GANC: variants seen among roughly 807,000 people sequenced by gnomAD.
GANC encodes neutral alpha-glucosidase C.
In GANC, 117 loss-of-function variants were observed where a neutral mutation model predicts 124.2. The ratio of observed to expected loss-of-function variants is 0.94; its 90% CI spans 0.81 to 1.10. GANC has a LOEUF of 1.10. Among genes scored for constraint, GANC ranks in the 50% least tolerant of loss-of-function variants. GANC has a pLI of 0.00. For synonymous variants in GANC, 377 were observed against 376.8 expected, an observed-to-expected ratio of 1.00 and a Z score of -0.01; for missense variants, 1,140 against 1,095.0, an observed-to-expected ratio of 1.04 and a Z score of -0.58.
chr15:42,283,571 A>G, intron 3 of GANC: 1 of 691,432 alleles, frequency 1.4e-6, no homozygotes, highest in South Asian at 1.5e-5. Flanking sequence ...TTCTCATGAT[A>G]TAGGTGACCA....
chr15:42,330,653 T>A lies in GANC; in HGVS notation c.1722T>A (p.Phe574Leu), dbSNP rs188405050. ...ERPFVLTRSF[F>L]AGSQKYGAVW... ...CCTTTGTTCTTACACGTTCTTTCTT[T>A]GCTGGATCACAAAAGTATGGTAAGG... The change falls in exon 15 of 24, where the codon TTT becomes TTA. Residue 574 changes from phenylalanine (F) to leucine (L), a missense_variant. By Grantham distance (22) the Phe-to-Leu change is conservative. Transcript: ENST00000318010. The A allele has an allele frequency of 1.2e-6, 2 of 1,607,726 alleles. No homozygotes were observed. The highest frequency in any genetic ancestry group is 8.5e-7 in the Non-Finnish European group (1 of 1,178,254).
At chr15:42,276,670 A>C (rs2051674567) in intron 2 of GANC, among the ~76,000 whole-genome samples, 1 of 152,182 alleles carries the variant, frequency 6.6e-6, no homozygotes, top group Non-Finnish European at 1.5e-5. Flanking sequence ...TGAATAGATA[A>C]CACTTTTACA....
chr15:42,275,139 CTA>C (rs2051651668), intron 1 of GANC, among the ~76,000 whole-genome samples: 1 of 152,064 alleles, frequency 6.6e-6, no homozygotes, highest in Non-Finnish European at 1.5e-5. Context: ...TTTGGGAGGC[CTA>C]TAGGTGGGCA....
chr15:42,309,421 G>A, intron 8 of GANC, among the ~76,000 whole-genome samples: 1 of 151,792 alleles, frequency 6.6e-6, no homozygotes, highest in East Asian at 2.0e-4. Context: ...CCAGGTTCAA[G>A]CGATTCTCCT....
intron 19 of GANC, 70 bp downstream of exon 19, chr15:42,343,224 A>AAG: frequency 3.7e-6 from 5 of 1,356,856 alleles, no homozygotes; most frequent in Non-Finnish European, 4.2e-6. Context: ...TTTAGGAAAG[A>AAG]GATTTCTTCA....
At chr15:42,349,527 T>A in intron 22 of GANC, 32 bp downstream of exon 22, 1 of 1,263,436 alleles carries the variant, frequency 7.9e-7, no homozygotes, top group South Asian at 1.2e-5. Flanking sequence ...GTTTGTTTTC[T>A]TAAGTAAATC....
chr15:42,301,243 C>T (rs1179298509), intron 6 of GANC, among the ~76,000 whole-genome samples: 5 of 152,018 alleles, frequency 3.3e-5, no homozygotes, highest in Non-Finnish European at 4.4e-5. Context: ...TTGCCTCACC[C>T]GGGAAGCACA....
chr15:42,274,185 C>T lies in GANC; in HGVS notation c.-297C>T. Reference sequence around the variant, plus strand: ...CCCTCTAGGACTCATTGCGTACACGCCCTCACCGCCGCCCAGTTTCGGTTC... The same window carrying T: ...CCCTCTAGGACTCATTGCGTACACGTCCTCACCGCCGCCCAGTTTCGGTTC... On this transcript the variant is annotated 5_prime_UTR_variant, in exon 1 of 24. Coordinates refer to ENST00000318010, the MANE Select transcript of GANC (RefSeq NM_198141.3). 2 of 406,862 alleles carry T rather than the reference C, an allele frequency of 4.9e-6. No homozygotes were observed. Among genetic ancestry groups the T allele is most frequent in the South Asian group, 2.4e-5 (1 of 41,816 alleles). 25.2% of individuals were successfully genotyped at this position (406,862 alleles called of 1,614,324 possible). A position where few individuals can be genotyped will look rare whatever the true frequency, so the allele number is the denominator to read the frequency against.
intron 4 of GANC, among the ~76,000 whole-genome samples, chr15:42,288,346 A>G (rs1013297284): frequency 2.6e-5 from 4 of 152,182 alleles, no homozygotes; most frequent in African/African-American, 9.7e-5. Context: ...TAGGTGAAAA[A>G]CAATCTTTGG....
intron 14 of GANC, among the ~76,000 whole-genome samples, chr15:42,330,087 A>G (rs1309601860): frequency 1.3e-5 from 2 of 152,120 alleles, no homozygotes; most frequent in Non-Finnish European, 2.9e-5. Flanking sequence ...GGTATTTTCC[A>G]ATGGGATCTT....
chr15:42,275,041 T>A (rs192320621), intron 1 of GANC, among the ~76,000 whole-genome samples: 1 of 152,258 alleles, frequency 6.6e-6, no homozygotes, highest in Admixed American at 6.5e-5. Context: ...TCTTCGAAGC[T>A]GTAAAGAGGA....
chr15:42,319,160 A>T (rs1378742110), intron 10 of GANC, among the ~76,000 whole-genome samples: 2 of 151,726 alleles, frequency 1.3e-5, no homozygotes, highest in Admixed American at 1.3e-4. Context: ...TTATCCTCTG[A>T]TGGTTCCTTG....
chr15:42,311,605 G>A (rs2052050298), intron 10 of GANC, among the ~76,000 whole-genome samples: 1 of 152,178 alleles, frequency 6.6e-6, no homozygotes, highest in Non-Finnish European at 1.5e-5. Context: ...AATTATGATG[G>A]AAGGCAAAGG....
Position 42,274,206 on chromosome 15 carries a change from G to C in GANC, c.-276G>C, listed in dbSNP as rs1054170733. The C allele has an allele frequency of 2.3e-6, 1 of 432,092 alleles. No individual in the cohort carries two copies. The highest frequency in any genetic ancestry group is 2.1e-5 in the African/African-American group (1 of 48,704). The allele number at this position is 432,092 out of a possible 1,614,324, so 26.8% of individuals were successfully genotyped here. A position where few individuals can be genotyped will look rare whatever the true frequency, so the allele number is the denominator to read the frequency against. On this transcript the variant is annotated 5_prime_UTR_variant, in exon 1 of 24. Coordinates refer to ENST00000318010, the MANE Select transcript of GANC (RefSeq NM_198141.3). The stretch of plus-strand genomic sequence containing the variant: ...CACGCCCTCACCGCCGCCCAGTTTC[G>C]GTTCCTAACAAAAGCACGTTCCTCA...
chr15:42,343,233 C>A, intron 19 of GANC, 79 bp downstream of exon 19: 3 of 1,291,634 alleles, frequency 2.3e-6, no homozygotes, highest in Non-Finnish European at 3.3e-6. Flanking sequence ...GAGATTTCTT[C>A]ATCATGTGTT....
intron 15 of GANC, among the ~76,000 whole-genome samples, chr15:42,337,655 C>A (rs1002128988): frequency 1.3e-5 from 2 of 152,182 alleles, no homozygotes; most frequent in Non-Finnish European, 2.9e-5. Flanking sequence ...ATCTGTACAA[C>A]AAACTCCTGT....
intron 5 of GANC, among the ~76,000 whole-genome samples, chr15:42,296,727 A>G (rs1483729045): frequency 6.6e-6 from 1 of 152,118 alleles, no homozygotes; most frequent in Non-Finnish European, 1.5e-5. Flanking sequence ...CCACATATGT[A>G]TGAATTCCCA....
chr15:42,351,025 C>T (rs964724408), intron 22 of GANC, among the ~76,000 whole-genome samples: 3 of 151,668 alleles, frequency 2.0e-5, no homozygotes, highest in Non-Finnish European at 1.5e-5. Context: ...GCACCCACCA[C>T]CACTCCTGGC....
chr15:42,323,053 T>G (rs547403722), intron 11 of GANC, among the ~76,000 whole-genome samples: 1 of 152,342 alleles, frequency 6.6e-6, no homozygotes, highest in African/African-American at 2.4e-5. Context: ...ATCAAGCTGT[T>G]ATGGGCTAGA....
Sources: allele counts gnomAD v4.1 joint callset (sites outside exome capture counted in the v4.1 genomes callset), GRCh38; gene constraint gnomAD v4.1.1; transcripts MANE v1.5; gene names NCBI Gene and HGNC (gene_info 2026-07-23, HGNC 2026-07-21).